Variants in C1QTNF7 observed in about 807,000 individuals in gnomAD.
C1QTNF7 encodes the protein C1q and TNF related 7, also known as complement C1q tumor necrosis factor-related protein 7.
C1QTNF7 carries 15 observed loss-of-function variants against 19.6 expected under a neutral mutation model. That is an observed-to-expected ratio of 0.76 (90% CI 0.51 to 1.18). The LOEUF (loss-of-function observed/expected upper bound fraction) is 1.18, where lower values mean the gene tolerates loss of function less well. Ranked by LOEUF, C1QTNF7 falls within the 50% of genes most tolerant of loss-of-function variation. C1QTNF7 has a pLI of 0.00. For missense variants in C1QTNF7, 324 were observed against 359.7 expected (o/e 0.90, Z 0.80); for synonymous variants, 142 against 137.5 (o/e 1.03, Z -0.23).
chr4:15,430,759 A>C (rs1712270271), intron 1 of C1QTNF7, among the ~76,000 whole-genome samples: 1 of 152,182 alleles, frequency 6.6e-6, no homozygotes, highest in Non-Finnish European at 1.5e-5. Context: ...TTATTCAATA[A>C]AAGGAGTTGA....
intron 1 of C1QTNF7, among the ~76,000 whole-genome samples, chr4:15,356,074 G>T (rs1717135285): frequency 6.6e-6 from 1 of 151,564 alleles, no homozygotes; most frequent in Non-Finnish European, 1.5e-5. Context: ...TTGTTTGTTT[G>T]TTTGTTTGTT....
chr4:15,351,443 G>C (rs1231838745), intron 1 of C1QTNF7, among the ~76,000 whole-genome samples: 1 of 152,128 alleles, frequency 6.6e-6, no homozygotes, highest in Non-Finnish European at 1.5e-5. Flanking sequence ...AACAAGGTTT[G>C]ACTGAGATCC....
chr4:15,348,026 A>G (rs1048879081), intron 1 of C1QTNF7, among the ~76,000 whole-genome samples: 1 of 152,094 alleles, frequency 6.6e-6, no homozygotes, highest in African/African-American at 2.4e-5. Context: ...TATCTGCTCC[A>G]CTGGACTCAC....
chr4:15,425,118 C>T (rs764876610), upstream of C1QTNF7, among the ~76,000 whole-genome samples: 26 of 151,862 alleles, frequency 1.7e-4, no homozygotes, highest in Admixed American at 3.3e-4. Context: ...TACAACTCCC[C>T]GGTTTGTAAG....
In C1QTNF7 at chr4:15,442,489, G is replaced by A; in HGVS notation, c.560G>A (p.Cys187Tyr). ...HYNPATGKFI[C>Y]AFPGIYYFSY... ...AACCCTGCCACAGGGAAGTTCATCT[G>A]TGCTTTCCCAGGGATCTATTACTTT... The change falls in exon 3 of 3, where the codon TGT (cysteine) becomes TAT (tyrosine). Residue 187 changes from cysteine (C) to tyrosine (Y), a missense_variant. Coordinates refer to ENST00000444304, the MANE Select transcript of C1QTNF7 (RefSeq NM_031911.5). The A allele has an allele frequency of 6.2e-7, 1 of 1,614,194 alleles. No individual in the cohort carries two copies. The highest frequency in any genetic ancestry group is 8.5e-7 in the Non-Finnish European group (1 of 1,180,032).
chr4:15,369,565 C>A (rs1191584510), intron 1 of C1QTNF7, among the ~76,000 whole-genome samples: 1 of 152,090 alleles, frequency 6.6e-6, no homozygotes, highest in African/African-American at 2.4e-5. Context: ...AATTATTTTA[C>A]CATTATTTAA....
intron 1 of C1QTNF7, among the ~76,000 whole-genome samples, chr4:15,373,292 T>A (rs992799032): frequency 3.3e-5 from 5 of 152,138 alleles, no homozygotes; most frequent in African/African-American, 1.2e-4. Flanking sequence ...GCTATCTCCT[T>A]CCAGCCCTTG....
chr4:15,445,473 A>T lies in C1QTNF7; in HGVS notation c.*2674A>T, dbSNP rs1296247068. ...TACTTATCTTTTAAATGTTTCTTTT[A>T]TTACAAAGCCTATTTTGAGTAGCTT... On this transcript the variant is annotated 3_prime_UTR_variant, in exon 3 of 3. Coordinates refer to ENST00000444304, the MANE Select transcript of C1QTNF7 (RefSeq NM_031911.5). 6.6e-6 allele frequency: 1 copy of T among 152,202 alleles called. No individual in the cohort carries two copies. The highest frequency in any genetic ancestry group is 2.4e-5 in the African/African-American group (1 of 41,454). The allele number at this position is 152,202 out of a possible 1,614,324, so 9.4% of individuals were successfully genotyped here.
intron 2 of C1QTNF7, among the ~76,000 whole-genome samples, chr4:15,440,192 A>C (rs899852205): frequency 5.9e-5 from 9 of 152,092 alleles, no homozygotes; most frequent in Non-Finnish European, 1.3e-4. Context: ...AATTTGTGAA[A>C]ATTCTTTCAC....
chr4:15,380,564 G>A (rs1412313816), intron 1 of C1QTNF7, among the ~76,000 whole-genome samples: 3 of 152,374 alleles, frequency 2.0e-5, no homozygotes, highest in Non-Finnish European at 4.4e-5. Context: ...GTGAAACTGT[G>A]TAAGTAATAG....
chr4:15,428,519 C>G (rs1283233511), intron 1 of C1QTNF7, among the ~76,000 whole-genome samples: 1 of 151,790 alleles, frequency 6.6e-6, no homozygotes, highest in Non-Finnish European at 1.5e-5. Context: ...TAGTCTCTGT[C>G]CTAGAGTTTG....
chr4:15,347,834 C>G (rs1716771149), intron 1 of C1QTNF7, among the ~76,000 whole-genome samples: 1 of 152,152 alleles, frequency 6.6e-6, no homozygotes, highest in Non-Finnish European at 1.5e-5. Flanking sequence ...AAGCCCATCT[C>G]ATAAAAAGAC....
chr4:15,411,357 TA>T (rs200304896), intron 1 of C1QTNF7, among the ~76,000 whole-genome samples: 5 of 151,504 alleles, frequency 3.3e-5, no homozygotes, highest in South Asian at 2.1e-4. Flanking sequence ...TATGAAATAT[TA>T]AAAAAAAACC....
At chr4:15,430,463 T>C (rs1251086507) in intron 1 of C1QTNF7, among the ~76,000 whole-genome samples, 1 of 152,194 alleles carries the variant, frequency 6.6e-6, no homozygotes, top group South Asian at 2.1e-4. Flanking sequence ...CACACACTTG[T>C]AGTCCCAGCT....
At chr4:15,370,544 T>C (rs1051987779) in intron 1 of C1QTNF7, among the ~76,000 whole-genome samples, 15 of 151,486 alleles carry the variant, frequency 9.9e-5, no homozygotes, top group African/African-American at 3.6e-4. Flanking sequence ...AGAGAGAGAG[T>C]GGAAAGGGCC....
intron 1 of C1QTNF7, among the ~76,000 whole-genome samples, chr4:15,414,285 A>G (rs915711980): frequency 6.6e-6 from 1 of 152,250 alleles, no homozygotes; most frequent in Non-Finnish European, 1.5e-5. Flanking sequence ...CTGTGATCAT[A>G]ACATAAAACA....
In C1QTNF7 at chr4:15,377,530, C is replaced by G. The variant is rs1003202262; in HGVS notation, c.13+37323C>G. Among the ~76,000 whole-genome samples, 3 of 152,086 alleles carry G rather than the reference C, an allele frequency of 2.0e-5. No homozygotes were observed. In the East Asian group the frequency reaches 5.8e-4, roughly 29 times the overall value. On this transcript the variant is annotated intron_variant, in intron 1 of 2. Transcript: ENST00000295297. ...TCAGTAAATTTTATACAGAGAAGCA[C>G]CAGCAACATAGAGTATTTGCTGTGT... is the stretch of plus-strand genomic sequence containing the variant.
At chr4:15,366,718 TG>T (rs2109303077) in intron 1 of C1QTNF7, among the ~76,000 whole-genome samples, 1 of 152,296 alleles carries the variant, frequency 6.6e-6, no homozygotes, top group African/African-American at 2.4e-5. Flanking sequence ...AGATGTTGTC[TG>T]CAGTCTCCAA....
In C1QTNF7 at chr4:15,443,517, C is replaced by T. The variant is rs1447860562; in HGVS notation, c.*718C>T. On this transcript the variant is annotated 3_prime_UTR_variant, in exon 3 of 3. Transcript: ENST00000444304. ...GGTCTGCTATTCCTGAGGCTGGGGG[C>T]CAGAGAAGCTTTTACGCATGGAAAA... is the stretch of plus-strand genomic sequence containing the variant. 6.6e-6 allele frequency: 1 copy of T among 152,156 alleles called. No individual in the cohort carries two copies. Among genetic ancestry groups the T allele is most frequent in the Non-Finnish European group, 1.5e-5 (1 of 68,046 alleles). The allele number at this position is 152,156 out of a possible 1,614,324, so 9.4% of individuals were successfully genotyped here. A position where few individuals can be genotyped will look rare whatever the true frequency, so the allele number is the denominator to read the frequency against.
Sources: allele counts gnomAD v4.1 joint callset (sites outside exome capture counted in the v4.1 genomes callset), GRCh38; gene constraint gnomAD v4.1.1; transcripts MANE v1.5; gene names NCBI Gene and HGNC (gene_info 2026-07-23, HGNC 2026-07-21).